MRPS6: variants seen among roughly 807,000 people sequenced by gnomAD.
MRPS6 encodes the protein small ribosomal subunit protein bS6m.
MRPS6 carries 6 observed loss-of-function variants against 13.1 expected under a neutral mutation model. That is an observed-to-expected ratio of 0.46 (90% confidence interval 0.25 to 0.91). MRPS6 has a LOEUF of 0.91. MRPS6 is among the 40% of genes least tolerant of loss of function. MRPS6 has a pLI of 0.18. For missense variants in MRPS6, 164 were observed against 155.6 expected (o/e 1.05, Z -0.29); for synonymous variants, 61 against 56.5 (o/e 1.08, Z -0.36).
rs532376974 is a variant in MRPS6 at position 34,131,991 on chromosome 21, A to G, written c.185+6511A>G. 1.3e-4 allele frequency among the ~76,000 whole-genome samples: 20 copies of G among 152,358 alleles called. No individual in the cohort carries two copies. The South Asian group carries it at 4.1e-3, about 32-fold the overall frequency. On this transcript the variant is annotated intron_variant, in intron 2 of 2. Transcript: ENST00000399312. ...TAACAAGTTAAGTTTGCCCAGATGA[A>G]TAGGTAAGAAGAAAAGGATATGTAC...
intron 2 of MRPS6, among the ~76,000 whole-genome samples, chr21:34,129,938 G>T (rs888466890): frequency 1.4e-4 from 21 of 152,200 alleles, no homozygotes; most frequent in Admixed American, 1.1e-3. Flanking sequence ...AAGAAATGGG[G>T]CTTTTCCATG....
At chr21:34,106,686 C>T (rs2148663469) in intron 1 of MRPS6, among the ~76,000 whole-genome samples, 1 of 152,246 alleles carries the variant, frequency 6.6e-6, no homozygotes, top group East Asian at 1.9e-4. Context: ...GACATTGTTC[C>T]CCTTTACTCC....
At chr21:34,080,905 G>C (rs1454529495) in intron 1 of MRPS6, among the ~76,000 whole-genome samples, 4 of 152,218 alleles carry the variant, frequency 2.6e-5, no homozygotes, top group Admixed American at 2.6e-4. Context: ...CACGCTGGGT[G>C]AGTTGTATGT....
intron 1 of MRPS6, chr21:34,103,727 G>A (rs375756816): frequency 2.0e-5 from 20 of 999,784 alleles, no homozygotes; most frequent in African/African-American, 5.2e-5. Flanking sequence ...AAGACAATGC[G>A]GTATCTAAAC....
intron 1 of MRPS6, chr21:34,100,757 C>G (rs1355716109): frequency 2.0e-6 from 2 of 999,982 alleles, no homozygotes; most frequent in Admixed American, 6.2e-5. Flanking sequence ...TATTCGCAGT[C>G]CATGGCTCAT....
chr21:34,086,501 T>TCAC (rs910501691), intron 1 of MRPS6, among the ~76,000 whole-genome samples: 9 of 137,942 alleles, frequency 6.5e-5, no homozygotes, highest in Non-Finnish European at 1.2e-4. Context: ...GACTTGTGTT[T>TCAC]ATTTCTAGTT....
rs371233622 is a variant in MRPS6 at position 34,086,413 on chromosome 21, T to G, written c.45+12668T>G. Reference sequence around the variant, plus strand: ...AGCATCCCTGTACTCATAGCCTGGGTGCATTACTTCAGGGCTTACCGGTGG... The same window carrying G: ...AGCATCCCTGTACTCATAGCCTGGGGGCATTACTTCAGGGCTTACCGGTGG... On this transcript the variant is annotated intron_variant, in intron 1 of 2. Coordinates refer to ENST00000399312, the MANE Select transcript of MRPS6 (RefSeq NM_032476.4). 1.2e-3 allele frequency among the ~76,000 whole-genome samples: 188 copies of G among 152,258 alleles called. 2 individuals are homozygous for G. The highest frequency in any genetic ancestry group is 4.1e-3 in the African/African-American group (172 of 41,524).
At chr21:34,112,702 G>T (rs1325015640) in intron 1 of MRPS6, among the ~76,000 whole-genome samples, 1 of 151,904 alleles carries the variant, frequency 6.6e-6, no homozygotes, top group Non-Finnish European at 1.5e-5. Context: ...CATTTGACTG[G>T]CAGCTCCCAA....
At chr21:34,074,867 G>A (rs1286195515) in intron 1 of MRPS6, among the ~76,000 whole-genome samples, 1 of 152,174 alleles carries the variant, frequency 6.6e-6, no homozygotes, top group African/African-American at 2.4e-5. Context: ...ATCACGGAGC[G>A]TCGGGAGATT....
At chr21:34,139,446 T>A (rs968817541) in intron 2 of MRPS6, among the ~76,000 whole-genome samples, 5 of 152,200 alleles carry the variant, frequency 3.3e-5, no homozygotes, top group Non-Finnish European at 7.4e-5. Flanking sequence ...TAATAAGATA[T>A]AGGGCTTAAG....
At position 34,099,946 on chromosome 21, in the gene MRPS6, T is replaced by A. The variant is rs144500704; in HGVS notation, c.46-25395T>A. 5 of 413,738 alleles carry A rather than the reference T, an allele frequency of 1.2e-5. No individual in the cohort carries two copies. In the East Asian group the frequency reaches 8.0e-4, roughly 66 times the overall value. The allele number at this position is 413,738 out of a possible 1,614,324, so 25.6% of individuals were successfully genotyped here. On this transcript the variant is annotated intron_variant, in intron 1 of 2. Coordinates refer to ENST00000399312, the MANE Select transcript of MRPS6 (RefSeq NM_032476.4). ...ACTTAATTCAGGGACCAGTCTTCAA[T>A]CTATATTTCATTAGAATGATTGTTC...
At chr21:34,140,691 C>T (rs1249392175) in intron 2 of MRPS6, among the ~76,000 whole-genome samples, 1 of 152,064 alleles carries the variant, frequency 6.6e-6, no homozygotes, top group Non-Finnish European at 1.5e-5. Context: ...CTGGATGTGT[C>T]CATTTCTCTG....
chr21:34,105,353 A>C (rs530721087), intron 1 of MRPS6: 1 of 999,832 alleles, frequency 1.0e-6, no homozygotes, highest in East Asian at 1.1e-4. Context: ...TTGCTGTGCA[A>C]AAGTTAGTAG....
intron 1 of MRPS6, chr21:34,095,132 T>C: frequency 6.5e-7 from 1 of 1,535,570 alleles, no homozygotes; most frequent in Non-Finnish European, 8.7e-7. Flanking sequence ...TTGGCTGGGG[T>C]TACTAAAAAT....
At chr21:34,097,319 A>G (rs1332216243) in intron 1 of MRPS6, 8 of 1,608,362 alleles carry the variant, frequency 5.0e-6, no homozygotes, top group African/African-American at 1.3e-5. Context: ...CTGTGTGTTC[A>G]CTTGGAATTT....
intron 1 of MRPS6, among the ~76,000 whole-genome samples, chr21:34,113,316 G>C (rs1473845186): frequency 7.2e-5 from 11 of 152,112 alleles, no homozygotes; most frequent in Admixed American, 7.2e-4. Flanking sequence ...CTGAGATGTG[G>C]ATCAACCTAA....
At chr21:34,132,270 C>T (rs1489908646) in intron 2 of MRPS6, among the ~76,000 whole-genome samples, 2 of 152,130 alleles carry the variant, frequency 1.3e-5, no homozygotes. Flanking sequence ...TTCTCACCTT[C>T]GCTGTTTTGG....
intron 1 of MRPS6, chr21:34,101,288 C>G: frequency 1.0e-6 from 1 of 1,000,136 alleles, no homozygotes; most frequent in Non-Finnish European, 1.2e-6. Context: ...AAACTCCTCC[C>G]CATATAAATC....
rs150891104 is a variant in MRPS6, at chr21:34,075,436, C to T, written c.45+1691C>T. 2.7e-3 allele frequency among the ~76,000 whole-genome samples: 404 copies of T among 152,200 alleles called. 1 individual carries two copies. Among genetic ancestry groups the T allele is most frequent in the Middle Eastern group, 6.8e-3 (2 of 294 alleles). ...TTTTTATGTCCTGTAATAACATAGCCTTTGGATGTGGAGCACCCATTTTTC... is the reference window on the plus strand; with the variant it reads ...TTTTTATGTCCTGTAATAACATAGCTTTTGGATGTGGAGCACCCATTTTTC... On this transcript the variant is annotated intron_variant, in intron 1 of 2. Coordinates refer to ENST00000399312, the MANE Select transcript of MRPS6 (RefSeq NM_032476.4).
Sources: gnomAD v4.1 joint callset for allele counts (sites outside exome capture counted in the v4.1 genomes callset) on GRCh38, gnomAD v4.1.1 for gene constraint, MANE v1.5 for transcripts, NCBI Gene and HGNC (gene_info 2026-07-23, HGNC 2026-07-21) for gene names.